Variants in TRABD2A observed in about 807,000 individuals in gnomAD.
The protein encoded by TRABD2A is metalloprotease TIKI1.
A neutral mutation model predicts 45.6 loss-of-function variants in TRABD2A; 43 were observed. The ratio of observed to expected loss-of-function variants is 0.94; its 90% CI spans 0.74 to 1.22. The LOEUF is 1.22. Ranked by LOEUF, TRABD2A falls within the 50% of genes most tolerant of loss-of-function variation. The pLI is 0.00. For synonymous variants in TRABD2A, 269 were observed against 265.0 expected, an observed-to-expected ratio of 1.02 and a Z score of -0.15; for missense variants, 642 against 652.4, an observed-to-expected ratio of 0.98 and a Z score of 0.17.
chr2:84,858,730 G>A (rs1273870340), intron 2 of TRABD2A, among the ~76,000 whole-genome samples: 1 of 152,170 alleles, frequency 6.6e-6, no homozygotes, highest in Non-Finnish European at 1.5e-5. Context: ...TTGGAGAGAA[G>A]CTACAAAGCT....
intron 6 of TRABD2A, among the ~76,000 whole-genome samples, chr2:84,822,378 A>G (rs1351915029): frequency 6.6e-6 from 1 of 152,200 alleles, no homozygotes; most frequent in Non-Finnish European, 1.5e-5. Flanking sequence ...AAGTCTTCGT[A>G]TAAGGCCGAA....
intron 4 of TRABD2A, 88 bp from the exon 5 acceptor site, chr2:84,832,233 A>C (rs918465994): frequency 2.5e-4 from 334 of 1,354,846 alleles, no homozygotes; most frequent in East Asian, 1.6e-3. Flanking sequence ...CCAAGAAATT[A>C]CCCTGCCAAG....
intron 2 of TRABD2A, among the ~76,000 whole-genome samples, chr2:84,845,808 G>A (rs1282057394): frequency 2.0e-5 from 3 of 152,096 alleles, no homozygotes; most frequent in Non-Finnish European, 1.5e-5. Context: ...TCAATAAATA[G>A]TTATTATATG....
At chr2:84,880,233 G>C (rs1326544462) in intron 1 of TRABD2A, among the ~76,000 whole-genome samples, 1 of 152,188 alleles carries the variant, frequency 6.6e-6, no homozygotes, top group East Asian at 1.9e-4. Flanking sequence ...AGACCTGTCC[G>C]CTATAGAGCT....
intron 1 of TRABD2A, among the ~76,000 whole-genome samples, chr2:84,877,644 G>T (rs1191116589): frequency 6.6e-6 from 1 of 152,166 alleles, no homozygotes; most frequent in Non-Finnish European, 1.5e-5. Flanking sequence ...GGCCATGGGT[G>T]ACTGAGACAC....
intron 3 of TRABD2A, 85 bp from the exon 4 acceptor site, chr2:84,839,408 C>T: frequency 1.5e-6 from 2 of 1,324,978 alleles, no homozygotes; most frequent in Non-Finnish European, 2.1e-6. Flanking sequence ...ATCCCCCAAC[C>T]TAGATGGTCA....
At chr2:84,879,982 C>T (rs1332376034) in intron 1 of TRABD2A, among the ~76,000 whole-genome samples, 1 of 150,184 alleles carries the variant, frequency 6.7e-6, no homozygotes, top group Non-Finnish European at 1.5e-5. Flanking sequence ...CCCACTCCCT[C>T]AACCCACCCC....
chr2:84,831,688 C>G (rs781501518), intron 5 of TRABD2A, among the ~76,000 whole-genome samples: 3 of 152,146 alleles, frequency 2.0e-5, no homozygotes, highest in Non-Finnish European at 4.4e-5. Context: ...TTTTGCCTCC[C>G]GAAAACTTCC....
intron 2 of TRABD2A, among the ~76,000 whole-genome samples, chr2:84,864,029 T>C (rs4832119): frequency 1 from 151,851 of 151,988 alleles, 75,857 homozygotes; most frequent in Middle Eastern, 1. Context: ...TTTAATGAGA[T>C]CTCCTGCTTT....
intron 2 of TRABD2A, among the ~76,000 whole-genome samples, chr2:84,861,489 C>T (rs1021502622): frequency 7.2e-5 from 11 of 152,260 alleles, no homozygotes; most frequent in African/African-American, 2.6e-4. Flanking sequence ...AATGCTGCCA[C>T]TGATCTGACA....
chr2:84,878,321 T>C (rs1683091856), intron 1 of TRABD2A, among the ~76,000 whole-genome samples: 1 of 151,976 alleles, frequency 6.6e-6, no homozygotes, highest in South Asian at 2.1e-4. Context: ...GGTCAGGAGT[T>C]CGAGACCAGC....
At chr2:84,834,221 G>A (rs1395618066) in intron 4 of TRABD2A, 1 of 152,170 alleles carries the variant, frequency 6.6e-6, no homozygotes, top group Admixed American at 6.5e-5. Flanking sequence ...TAACAGCTTT[G>A]TTCCAAGAAG....
At chr2:84,864,215 G>A (rs543271054) in intron 2 of TRABD2A, among the ~76,000 whole-genome samples, 3 of 152,304 alleles carry the variant, frequency 2.0e-5, no homozygotes, top group Admixed American at 2.0e-4. Flanking sequence ...TAAGGAACAT[G>A]TGAACCCCTG....
intron 5 of TRABD2A, among the ~76,000 whole-genome samples, chr2:84,824,429 C>A (rs1294329804): frequency 1.3e-5 from 2 of 152,156 alleles, no homozygotes; most frequent in South Asian, 2.1e-4. Flanking sequence ...TTCTCCAAAT[C>A]CCCTAGTCCT....
intron 3 of TRABD2A, among the ~76,000 whole-genome samples, chr2:84,840,404 A>AT (rs1296236207): frequency 6.6e-6 from 1 of 151,738 alleles, no homozygotes; most frequent in African/African-American, 2.4e-5. Flanking sequence ...ACACAGGGTG[A>AT]CCTCCCTCTG....
intron 5 of TRABD2A, among the ~76,000 whole-genome samples, chr2:84,829,363 AACACACACACAC>A (rs146287038): frequency 0.13 from 18,520 of 145,638 alleles, 1,152 homozygotes; most frequent in Non-Finnish European, 0.13. Flanking sequence ...AACAACCAGC[AACACACACACAC>A]ACACACACAC....
chr2:84,822,495 G>T (rs980372818), intron 6 of TRABD2A, among the ~76,000 whole-genome samples: 5 of 152,142 alleles, frequency 3.3e-5, no homozygotes, highest in African/African-American at 1.2e-4. Context: ...CTGGGTCTCT[G>T]CCTCTCTCAT....
intron 3 of TRABD2A, among the ~76,000 whole-genome samples, chr2:84,841,514 T>C (rs949848307): frequency 6.6e-6 from 1 of 152,214 alleles, no homozygotes; most frequent in African/African-American, 2.4e-5. Context: ...TTCTGCCCCA[T>C]CATTTTGCAA....
rs761508378 is a variant in TRABD2A at position 84,839,286 on chromosome 2, T to A, written c.854A>T (p.Glu285Val). 5 of 1,613,258 alleles carry A rather than the reference T, an allele frequency of 3.1e-6. No individual in the cohort carries two copies. Among genetic ancestry groups the A allele is most frequent in the Non-Finnish European group, 4.2e-6 (5 of 1,179,714 alleles). Residue 285 changes from glutamate (E) to valine (V), a missense_variant, in exon 4 of 7, where the codon GAG (glutamate) becomes GTG (valine). Coordinates refer to ENST00000409520, the MANE Select transcript of TRABD2A (RefSeq NM_001277053.2). ...GTCAATCTCCTGAGCAGTGATGCGC[T>A]CCTGAGGTGGTAGCGTGGCATTAAT... Reference protein sequence around the residue: ...NFINATLPPQERITAQEIDSY... With the variant: ...NFINATLPPQVRITAQEIDSY...
Sources: allele counts gnomAD v4.1 joint callset (sites outside exome capture counted in the v4.1 genomes callset), GRCh38; gene constraint gnomAD v4.1.1; transcripts MANE v1.5; gene names NCBI Gene and HGNC (gene_info 2026-07-23, HGNC 2026-07-21).